TRANK1: variants seen among roughly 807,000 people sequenced by gnomAD.
TRANK1 encodes the protein tetratricopeptide repeat and ankyrin repeat containing 1.
Under a neutral mutation model 266.0 loss-of-function variants are expected in TRANK1, and 198 were observed. The observed-to-expected ratio is 0.74, with a 90% CI of 0.66 to 0.84. The LOEUF is 0.84. Among genes scored for constraint, TRANK1 ranks in the 40% least tolerant of loss-of-function variants. The pLI is 0.00. For synonymous variants in TRANK1, 1,396 were observed against 1,384.1 expected (o/e 1.01, Z -0.19); for missense variants, 3,326 against 3,634.6 (o/e 0.92, Z 2.18).
Position 36,856,546 on chromosome 3 carries a change from T to A in TRANK1, c.3176A>T (p.Tyr1059Phe), listed in dbSNP as rs1159192455. Reference sequence around the variant, plus strand: ...CCTGGGATTGAGGTCGATCACCGCGTACTCAAGCTCACCCACCCGGAAGGG... The same window carrying A: ...CCTGGGATTGAGGTCGATCACCGCGAACTCAAGCTCACCCACCCGGAAGGG... ...EYPFRVGELE[Y>F]AVIDLNPRPL... The change falls in exon 13 of 24, where the codon TAC becomes TTC. Residue 1059 changes from tyrosine to phenylalanine, a missense_variant. Tyr to Phe is a conservative substitution (Grantham distance 22). Coordinates refer to ENST00000645898, the MANE Select transcript of TRANK1 (RefSeq NM_001329998.2). The A allele has an allele frequency of 2.5e-6, 4 of 1,613,882 alleles. No individual in the cohort carries two copies. The highest frequency in any genetic ancestry group is 3.4e-6 in the Non-Finnish European group (4 of 1,179,892).
chr3:36,863,462 C>T (rs911660980), intron 10 of TRANK1, among the ~76,000 whole-genome samples: 1 of 152,166 alleles, frequency 6.6e-6, no homozygotes, highest in South Asian at 2.1e-4. Flanking sequence ...AAAATGGCCC[C>T]ATCCTAGAGT....
At chr3:36,895,007 A>C (rs563723385) in intron 5 of TRANK1, among the ~76,000 whole-genome samples, 2 of 152,332 alleles carry the variant, frequency 1.3e-5, no homozygotes, top group African/African-American at 2.4e-5. Flanking sequence ...GCTCTTGTCC[A>C]TTATTTCTGA....
In TRANK1 at chr3:36,878,612, G is replaced by A. The variant is rs760066232; in HGVS notation, c.908-4316C>T. Among the ~76,000 whole-genome samples, 3 of 152,226 alleles carry A rather than the reference G, an allele frequency of 2.0e-5. No individual in the cohort carries two copies. In the South Asian group the frequency reaches 6.2e-4, roughly 32 times the overall value. Reference sequence around the variant, plus strand: ...ACAACAGACACTAGGGCCTACTTGAGGATGGAGGGTGTAAGGAGGGAGAGG... The same window carrying A: ...ACAACAGACACTAGGGCCTACTTGAAGATGGAGGGTGTAAGGAGGGAGAGG... On this transcript the variant is annotated intron_variant, in intron 8 of 23. Coordinates refer to ENST00000645898, the MANE Select transcript of TRANK1 (RefSeq NM_001329998.2).
At chr3:36,866,284 G>C (rs2079226740) in intron 9 of TRANK1, among the ~76,000 whole-genome samples, 1 of 152,212 alleles carries the variant, frequency 6.6e-6, no homozygotes, top group Non-Finnish European at 1.5e-5. Context: ...TCATGGTTGT[G>C]AAGAAATGAA....
chr3:36,853,345 C>A (rs1390119521), intron 13 of TRANK1, among the ~76,000 whole-genome samples: 2 of 152,184 alleles, frequency 1.3e-5, no homozygotes, highest in African/African-American at 4.8e-5. Flanking sequence ...AGATAGAATA[C>A]AATGGTCTAG....
chr3:36,911,375 T>C (rs139289655), intron 1 of TRANK1, among the ~76,000 whole-genome samples: 2 of 152,306 alleles, frequency 1.3e-5, no homozygotes, highest in East Asian at 3.9e-4. Flanking sequence ...ACCCTCTTAC[T>C]AATCAGACCA....
At position 36,834,726 on chromosome 3, in the gene TRANK1, AAG is replaced by A. The variant is rs763783842; in HGVS notation, c.5663+34_5663+35del. 7 of 1,590,544 alleles carry A rather than the reference AAG, an allele frequency of 4.4e-6. No individual in the cohort carries two copies. The Admixed American group carries it at 1.2e-4, about 28-fold the overall frequency. ...GCTGCCCCCAGAGAGAAGTGGGAGG[AAG>A]AGAGGGAGAAAGGGAGAGAATAAAA... On this transcript the variant is annotated intron_variant, in intron 21 of 23. Transcript: ENST00000645898.
intron 8 of TRANK1, among the ~76,000 whole-genome samples, chr3:36,877,990 G>A (rs73068044): frequency 0.27 from 40,975 of 152,070 alleles, 6,628 homozygotes; most frequent in Non-Finnish European, 0.37. Context: ...AATAAGTTGA[G>A]GTAAAGAAAA....
At position 36,832,826 on chromosome 3, in the gene TRANK1, T is replaced by C; in HGVS notation, c.6757A>G (p.Ile2253Val). The C allele has an allele frequency of 6.2e-7, 1 of 1,613,932 alleles. No homozygotes were observed. Among genetic ancestry groups the C allele is most frequent in the Middle Eastern group, 1.6e-4 (1 of 6,062 alleles). ...ATATCTGTAGACAAAATATAATCAA[T>C]TTCTTTAAGTTCTTCTGCTAAGATT... ...PKILAEELKE[I>V]DYILSTDMYG... Residue 2253 changes from isoleucine (I) to valine (V), a missense_variant, in exon 22 of 24, where the codon ATT becomes GTT. By Grantham distance (29) the Ile-to-Val change is conservative. Transcript: ENST00000645898.
At chr3:36,935,096 T>C (rs1483937513) in intron 1 of TRANK1, among the ~76,000 whole-genome samples, 2 of 152,156 alleles carry the variant, frequency 1.3e-5, no homozygotes, top group Admixed American at 6.5e-5. Flanking sequence ...CCCAACCCCA[T>C]CTGCCTCCCA....
intron 13 of TRANK1, among the ~76,000 whole-genome samples, chr3:36,853,885 T>C (rs1024555560): frequency 6.6e-6 from 1 of 152,214 alleles, no homozygotes; most frequent in African/African-American, 2.4e-5. Context: ...TAGTAACTGC[T>C]ATGATTATGG....
intron 22 of TRANK1, among the ~76,000 whole-genome samples, chr3:36,830,633 G>A (rs1436964704): frequency 6.6e-6 from 1 of 152,174 alleles, no homozygotes; most frequent in Non-Finnish European, 1.5e-5. Flanking sequence ...CAAGTTTCTG[G>A]AGTACCTGGG....
At chr3:36,835,564 A>G (rs192106563) in intron 20 of TRANK1, among the ~76,000 whole-genome samples, 96 of 152,300 alleles carry the variant, frequency 6.3e-4, no homozygotes, top group Admixed American at 2.1e-3. Flanking sequence ...AACATAATCA[A>G]CAAAACCCAA....
At chr3:36,911,807 A>C (rs1033527888) in intron 1 of TRANK1, among the ~76,000 whole-genome samples, 1 of 152,246 alleles carries the variant, frequency 6.6e-6, no homozygotes, top group Non-Finnish European at 1.5e-5. Context: ...AAGTGGTAAT[A>C]ATTTACCATA....
intron 1 of TRANK1, among the ~76,000 whole-genome samples, chr3:36,911,449 T>C (rs2080051201): frequency 6.6e-6 from 1 of 152,200 alleles, no homozygotes; most frequent in Non-Finnish European, 1.5e-5. Context: ...GGTATTTCCA[T>C]TGTATTTACA....
In TRANK1 at chr3:36,938,611, C is replaced by T. The variant is rs566530584; in HGVS notation, c.23+6176G>A. ...GAAAAAACTGTGGACTTTGGCCAGG[C>T]TGAAAGATGTATTTATCCACACTCC... On this transcript the variant is annotated intron_variant, in intron 1 of 23. Transcript: ENST00000645898. Among the ~76,000 whole-genome samples, 5 of 152,102 alleles carry T rather than the reference C, an allele frequency of 3.3e-5. No individual in the cohort carries two copies. The East Asian group carries it at 7.7e-4, about 23-fold the overall frequency.
intron 1 of TRANK1, among the ~76,000 whole-genome samples, chr3:36,923,465 AG>A (rs1010084948): frequency 3.9e-5 from 6 of 152,082 alleles, no homozygotes; most frequent in African/African-American, 1.4e-4. Context: ...CATGTTGCCC[AG>A]GCTGGTCTCG....
At chr3:36,943,835 A>AG (rs2080532124) in intron 1 of TRANK1, among the ~76,000 whole-genome samples, 1 of 152,088 alleles carries the variant, frequency 6.6e-6, no homozygotes, top group Admixed American at 6.5e-5. Context: ...TGGAGCAGAT[A>AG]GGGGAACTAG....
intron 2 of TRANK1, among the ~76,000 whole-genome samples, chr3:36,907,195 G>C (rs1195992964): frequency 6.6e-6 from 1 of 152,184 alleles, no homozygotes; most frequent in Non-Finnish European, 1.5e-5. Flanking sequence ...TTGTCACCGA[G>C]GCCAGAGTTC....
Sources: allele counts gnomAD v4.1 joint callset (sites outside exome capture counted in the v4.1 genomes callset), GRCh38; gene constraint gnomAD v4.1.1; transcripts MANE v1.5; gene names NCBI Gene and HGNC (gene_info 2026-07-23, HGNC 2026-07-21).